Variants in CXCR6 observed in about 807,000 individuals in gnomAD.
The protein encoded by CXCR6 is C-X-C motif chemokine receptor 6, also known as C-X-C chemokine receptor type 6.
Under a neutral mutation model 1.6 loss-of-function variants are expected in CXCR6, and 3 were observed. The ratio of observed to expected loss-of-function variants is 1.83; its 90% CI spans 0.83 to 4.72. CXCR6 has a LOEUF of 4.72. Ranked by LOEUF, CXCR6 falls within the 30% of genes most tolerant of loss-of-function variation. The pLI, the probability that CXCR6 is intolerant of heterozygous loss-of-function variation, is 0.02. For synonymous variants in CXCR6, 171 were observed against 159.2 expected (o/e 1.07, Z -0.56); for missense variants, 326 against 414.8 (o/e 0.79, Z 1.86).
At chr3:45,941,129 C>T (rs1173795982), upstream of CXCR6, 1 of 152,266 alleles carries the variant, frequency 6.6e-6, no homozygotes, top group African/African-American at 2.4e-5. Context: ...CAATGATCCT[C>T]TCATCTTAGC....
Position 45,946,950 on chromosome 3 carries a change from G to T in CXCR6, c.469G>T (p.Val157Leu). 1 of 1,614,188 alleles carries T rather than the reference G, an allele frequency of 6.2e-7. No individual in the cohort carries two copies. Among genetic ancestry groups the T allele is most frequent in the Non-Finnish European group, 8.5e-7 (1 of 1,180,020 alleles). The change falls in exon 2 of 2, where the codon GTG (valine) becomes TTG (leucine). Residue 157 changes from valine to leucine, a missense_variant. Physicochemically the swap from Val to Leu is conservative, Grantham distance 32. Coordinates refer to ENST00000304552, the MANE Select transcript of CXCR6 (RefSeq NM_006564.2). ...CAAGGTCACCAGCTTGCTCATCTGGGTGATATCCCTGCTGGTTTCCTTGCC... is the reference window on the plus strand; with the variant it reads ...CAAGGTCACCAGCTTGCTCATCTGGTTGATATCCCTGCTGGTTTCCTTGCC... ...WGKVTSLLIW[V>L]ISLLVSLPQI...
chr3:45,941,170 T>G (rs1704205074), upstream of CXCR6: 1 of 152,198 alleles, frequency 6.6e-6, no homozygotes, highest in Non-Finnish European at 1.5e-5. Flanking sequence ...AAGTGCCCAC[T>G]GCCACGCCTG....
chr3:45,947,098 C>T lies in CXCR6; in HGVS notation c.617C>T (p.Thr206Ile). ...MTLGFFLPLL[T>I]MIVCYSVIIK... ...CTGGGGTTCTTCTTGCCACTGCTCA[C>T]CATGATTGTCTGCTATTCAGTCATA... Residue 206 changes from threonine to isoleucine, a missense_variant, in exon 2 of 2, where the codon ACC becomes ATC. By Grantham distance (89) the Thr-to-Ile change is moderately conservative. Transcript: ENST00000304552. The T allele has an allele frequency of 6.2e-7, 1 of 1,614,256 alleles. No homozygotes were observed. The highest frequency in any genetic ancestry group is 1.1e-5 in the South Asian group (1 of 91,088).
chr3:45,946,446 G>T lies in CXCR6; in HGVS notation c.-21-15G>T. The T allele has an allele frequency of 6.4e-7, 1 of 1,554,364 alleles. No homozygotes were observed. The highest frequency in any genetic ancestry group is 8.8e-7 in the Non-Finnish European group (1 of 1,136,556). Reference sequence around the variant, plus strand: ...TCCTCAGCCCCAAATATAATTCCTGGGTTCTGACTCACAGGTGTTCATCAG... The same window carrying T: ...TCCTCAGCCCCAAATATAATTCCTGTGTTCTGACTCACAGGTGTTCATCAG... On this transcript the variant is annotated splice_polypyrimidine_tract_variant and intron_variant, in intron 1 of 1. Transcript: ENST00000304552.
Position 45,947,168 on chromosome 3 carries a change from T to C in CXCR6, c.687T>C (p.Ser229=). Residue 229 remains serine (S), a synonymous_variant, in exon 2 of 2, where the codon TCT becomes TCC. Transcript: ENST00000304552. ...CTGGAGGCTTCCAGAAGCACAGATC[T>C]CTAAAGATCATCTTCCTGGTGATGG... ...LHAGGFQKHR[S]LKIIFLVMAV... 1 of 1,614,186 alleles carries C rather than the reference T, an allele frequency of 6.2e-7. No homozygotes were observed. The highest frequency in any genetic ancestry group is 8.5e-7 in the Non-Finnish European group (1 of 1,180,026).
rs55801197 is a variant in CXCR6 at position 45,944,631 on chromosome 3, A to G, written c.-22+1091A>G. ...AAGGGAAAGTAATTTTTCATACTCTATTTGCACAGCACTGTCCAGGCCCAA... is the reference window on the plus strand; with the variant it reads ...AAGGGAAAGTAATTTTTCATACTCTGTTTGCACAGCACTGTCCAGGCCCAA... On this transcript the variant is annotated intron_variant, in intron 1 of 1. Transcript: ENST00000304552. Among the ~76,000 whole-genome samples, 326 of 152,272 alleles carry G rather than the reference A, an allele frequency of 2.1e-3. 4 individuals carry two copies. Among genetic ancestry groups the G allele is most frequent in the Admixed American group, 0.017 (266 of 15,302 alleles).
intron 1 of CXCR6, among the ~76,000 whole-genome samples, chr3:45,944,216 G>A (rs4683155): frequency 0.37 from 51,517 of 140,048 alleles, 10,462 homozygotes; most frequent in East Asian, 0.64. Context: ...GTGTGTGTGT[G>A]TATATATATA....
chr3:45,947,393 G>T lies in CXCR6; in HGVS notation c.912G>T (p.Lys304Asn), dbSNP rs199651943. 6.4e-5 allele frequency: 104 copies of T among 1,614,116 alleles called. No individual in the cohort carries two copies. Among genetic ancestry groups the T allele is most frequent in the Non-Finnish European group, 8.6e-5 (102 of 1,180,056 alleles). The change falls in exon 2 of 2, where the codon AAG becomes AAT. Residue 304 changes from lysine to asparagine, a missense_variant. Lys to Asn is a moderately conservative substitution (Grantham distance 94). Transcript: ENST00000304552. ...GAAAGAACTTCTGGAAACTTGTGAA[G>T]GACATTGGTTGCCTCCCTTACCTTG... ...KFRKNFWKLV[K>N]DIGCLPYLGV...
rs1408503702 is a variant in CXCR6, at chr3:45,948,263, G to A, written c.*753G>A. 1 of 166,980 alleles carries A rather than the reference G, an allele frequency of 6.0e-6. No homozygotes were observed. Among genetic ancestry groups the A allele is most frequent in the Non-Finnish European group, 1.5e-5 (1 of 68,142 alleles). The allele number at this position is 166,980 out of a possible 1,614,324, so 10.3% of individuals were successfully genotyped here. On this transcript the variant is annotated 3_prime_UTR_variant, in exon 2 of 2. Coordinates refer to ENST00000304552, the MANE Select transcript of CXCR6 (RefSeq NM_006564.2). ...GTCTGCCACACAAACGTATGTAAAT[G>A]TATATACCCACACACATACACACAT...
rs1033012277 is a variant in CXCR6, at chr3:45,947,414, C to T, written c.933C>T (p.Tyr311=). ...KLVKDIGCLP[Y]LGVSHQWKSS... ...TGAAGGACATTGGTTGCCTCCCTTA[C>T]CTTGGGGTCTCACATCAATGGAAAT... is the stretch of plus-strand genomic sequence containing the variant. The change falls in exon 2 of 2, where the codon TAC becomes TAT. Residue 311 remains tyrosine, a synonymous_variant. Coordinates refer to ENST00000304552, the MANE Select transcript of CXCR6 (RefSeq NM_006564.2). 1 of 1,614,220 alleles carries T rather than the reference C, an allele frequency of 6.2e-7. No homozygotes were observed. Among genetic ancestry groups the T allele is most frequent in the Non-Finnish European group, 8.5e-7 (1 of 1,180,030 alleles).
rs189405096 is a variant in CXCR6 at position 45,948,124 on chromosome 3, C to T, written c.*614C>T. The T allele has an allele frequency of 6.0e-6, 1 of 167,354 alleles. No homozygotes were observed. The highest frequency in any genetic ancestry group is 1.9e-4 in the East Asian group (1 of 5,190). 10.4% of individuals were successfully genotyped at this position (167,354 alleles called of 1,614,324 possible). A position where few individuals can be genotyped will look rare whatever the true frequency, so the allele number is the denominator to read the frequency against. On this transcript the variant is annotated 3_prime_UTR_variant, in exon 2 of 2. Transcript: ENST00000304552. ...TAAGAGGCTGATAATTCCAGTGGTC[C>T]ATGGAATGCTTGAAAAATGTGCAAA...
upstream of CXCR6, among the ~76,000 whole-genome samples, chr3:45,942,875 A>C (rs564980769): frequency 6.6e-6 from 1 of 152,300 alleles, no homozygotes; most frequent in African/African-American, 2.4e-5. Flanking sequence ...GGGCTGCACC[A>C]GGCCCTCTGG....
intron 1 of CXCR6, among the ~76,000 whole-genome samples, chr3:45,944,866 T>C (rs1704482727): frequency 6.6e-6 from 1 of 152,216 alleles, no homozygotes; most frequent in African/African-American, 2.4e-5. Flanking sequence ...TTTTAAATGA[T>C]GAAAAAATAT....
chr3:45,947,563 C>A lies in CXCR6; in HGVS notation c.*53C>A. 1.4e-6 allele frequency: 2 copies of A among 1,393,364 alleles called. No individual in the cohort carries two copies. The highest frequency in any genetic ancestry group is 1.2e-5 in the South Asian group (1 of 82,466). 86.3% of individuals were successfully genotyped at this position (1,393,364 alleles called of 1,614,324 possible). On this transcript the variant is annotated 3_prime_UTR_variant, in exon 2 of 2. Transcript: ENST00000304552. ...CTGGAATTTGCAAGTCATGGCTGTG[C>A]CCTCTTGATGTGGTGAGGCAGGCTT... is the stretch of plus-strand genomic sequence containing the variant.
chr3:45,942,990 G>T (rs1369913828), upstream of CXCR6, among the ~76,000 whole-genome samples: 1 of 152,142 alleles, frequency 6.6e-6, no homozygotes, highest in Non-Finnish European at 1.5e-5. Context: ...TTGTTATTTT[G>T]GCTATGGTCC....
upstream of CXCR6, chr3:45,941,401 A>G (rs892400530): frequency 2.0e-5 from 3 of 152,208 alleles, no homozygotes; most frequent in African/African-American, 7.2e-5. Context: ...GAAAATGTTT[A>G]GGTATTTCTG....
chr3:45,942,241 G>A (rs566299845), upstream of CXCR6, among the ~76,000 whole-genome samples: 2 of 152,362 alleles, frequency 1.3e-5, no homozygotes, highest in Admixed American at 6.5e-5. Context: ...TGACTGCCAG[G>A]GATGTGTGTT....
In CXCR6 at chr3:45,943,468, C is replaced by T. The variant is rs1704370454; in HGVS notation, c.-94C>T. On this transcript the variant is annotated 5_prime_UTR_variant, in exon 1 of 2. Coordinates refer to ENST00000304552, the MANE Select transcript of CXCR6 (RefSeq NM_006564.2). ...TGTTCAGCGGAAACATGAACCACAT[C>T]ACAGAAGTAGAGGCAGACCTTGCTT... The T allele has an allele frequency of 6.6e-6, 1 of 152,192 alleles. No individual in the cohort carries two copies. Among genetic ancestry groups the T allele is most frequent in the Admixed American group, 6.5e-5 (1 of 15,278 alleles). 9.4% of individuals were successfully genotyped at this position (152,192 alleles called of 1,614,324 possible).
At chr3:45,943,221 C>T (rs1704343841), upstream of CXCR6, among the ~76,000 whole-genome samples, 1 of 152,186 alleles carries the variant, frequency 6.6e-6, no homozygotes, top group African/African-American at 2.4e-5. Context: ...TGGCCAGAGC[C>T]AAACCTCCTT....
Sources: gnomAD v4.1 joint callset for allele counts (sites outside exome capture counted in the v4.1 genomes callset) on GRCh38, gnomAD v4.1.1 for gene constraint, MANE v1.5 for transcripts, NCBI Gene and HGNC (gene_info 2026-07-23, HGNC 2026-07-21) for gene names.